Variants in CFAP20DC observed in about 807,000 individuals in gnomAD.
CFAP20DC encodes CFAP20 domain containing.
A neutral mutation model predicts 101.7 loss-of-function variants in CFAP20DC; 84 were observed. The ratio of observed to expected loss-of-function variants is 0.83; its 90% CI spans 0.69 to 0.99. CFAP20DC has a LOEUF of 0.99. Among genes scored for constraint, CFAP20DC ranks in the 50% least tolerant of loss-of-function variants. The probability of loss-of-function intolerance (pLI) is 0.00; values close to 1 mark genes in which losing one functional copy is unlikely to be tolerated. For missense variants in CFAP20DC, 1,007 were observed against 970.3 expected (o/e 1.04, Z -0.50); for synonymous variants, 359 against 351.2 (o/e 1.02, Z -0.25).
chr3:58,814,392 C>G (rs970644953), intron 14 of CFAP20DC, among the ~76,000 whole-genome samples: 1 of 151,666 alleles, frequency 6.6e-6, no homozygotes, highest in African/African-American at 2.4e-5. Flanking sequence ...AAACCCACAG[C>G]CAGTATCATA....
intron 15 of CFAP20DC, among the ~76,000 whole-genome samples, chr3:58,764,880 C>T (rs1281173076): frequency 6.6e-6 from 1 of 152,110 alleles, no homozygotes; most frequent in Non-Finnish European, 1.5e-5. Context: ...ACTGGGCACA[C>T]CTGCACATAT....
intron 7 of CFAP20DC, among the ~76,000 whole-genome samples, chr3:58,878,762 A>G (rs182501078): frequency 6.6e-6 from 1 of 152,324 alleles, no homozygotes; most frequent in East Asian, 1.9e-4. Context: ...CTGTAATCCC[A>G]TCACTTTGGG....
intron 6 of CFAP20DC, among the ~76,000 whole-genome samples, chr3:58,904,065 G>T (rs764694764): frequency 1.3e-5 from 2 of 152,138 alleles, no homozygotes; most frequent in Non-Finnish European, 2.9e-5. Flanking sequence ...TGGAGAAATT[G>T]CATTGAATCT....
At chr3:58,800,054 T>C (rs1011879744) in intron 15 of CFAP20DC, among the ~76,000 whole-genome samples, 12 of 152,142 alleles carry the variant, frequency 7.9e-5, no homozygotes, top group South Asian at 2.1e-4. Flanking sequence ...AGGTGCTCAG[T>C]GGTGTGAAAC....
At position 59,001,903 on chromosome 3, in the gene CFAP20DC, G is replaced by A. The variant is rs1038940391; in HGVS notation, c.278+37654C>T. On this transcript the variant is annotated intron_variant, in intron 4 of 16. Transcript: ENST00000482387. The surrounding 1 kb of genome is among the most constrained non-coding windows in gnomAD (Gnocchi z 4.5). ...GTGGCTTGAGCGGAAGGACAAAAAC[G>A]TGACATGTGGTAAAGAAGAGATTCC... is the stretch of plus-strand genomic sequence containing the variant. Among the ~76,000 whole-genome samples the A allele has an allele frequency of 1.3e-5, 2 of 152,138 alleles. No individual in the cohort carries two copies. Among genetic ancestry groups the A allele is most frequent in the Admixed American group, 6.5e-5 (1 of 15,290 alleles).
chr3:58,779,927 T>C (rs541672824), intron 15 of CFAP20DC, among the ~76,000 whole-genome samples: 1 of 151,860 alleles, frequency 6.6e-6, no homozygotes, highest in Non-Finnish European at 1.5e-5. Flanking sequence ...ATGTCAAAAA[T>C]CAAAAACAAA....
At chr3:58,850,549 T>C (rs866031924) in intron 12 of CFAP20DC, among the ~76,000 whole-genome samples, 2 of 149,058 alleles carry the variant, frequency 1.3e-5, no homozygotes, top group Admixed American at 6.7e-5. Context: ...GATCATGCCA[T>C]TGCACCCCAG....
chr3:58,827,667 GA>G (rs2076134229), intron 14 of CFAP20DC, among the ~76,000 whole-genome samples: 1 of 152,104 alleles, frequency 6.6e-6, no homozygotes, highest in Non-Finnish European at 1.5e-5. Context: ...AAGCATCCCT[GA>G]AACCCACATG....
intron 5 of CFAP20DC, among the ~76,000 whole-genome samples, chr3:58,931,940 T>A (rs528012836): frequency 1.3e-5 from 2 of 152,084 alleles, no homozygotes; most frequent in Non-Finnish European, 2.9e-5. Context: ...CTTTGACGAG[T>A]TGAGGAAGAA....
chr3:58,906,467 T>G (rs2083595113), intron 6 of CFAP20DC, among the ~76,000 whole-genome samples: 1 of 152,182 alleles, frequency 6.6e-6, no homozygotes, highest in Non-Finnish European at 1.5e-5. Flanking sequence ...AATATTGTAT[T>G]ATACCTTCTA....
At chr3:58,805,787 C>T (rs911279522) in intron 15 of CFAP20DC, among the ~76,000 whole-genome samples, 4 of 152,234 alleles carry the variant, frequency 2.6e-5, no homozygotes, top group South Asian at 2.1e-4. Flanking sequence ...AAATTCAGAT[C>T]CACTTGTTCC....
chr3:58,933,364 G>A (rs1020102546), intron 5 of CFAP20DC, among the ~76,000 whole-genome samples: 6 of 150,212 alleles, frequency 4.0e-5, no homozygotes, highest in Admixed American at 6.6e-5. Context: ...ACAGATCAAC[G>A]AGACAGAAAG....
Position 58,937,747 on chromosome 3 carries a change from C to A in CFAP20DC, c.294G>T (p.Gly98=). ...FSTELLITDL[G]NIKRRLYLST... ...ATAAATATAATCTTCTTTTGATGTT[C>A]CCTAAATCAGTAATTCTGAAAACAT... Residue 98 remains glycine, a synonymous_variant, in exon 5 of 17, where the codon GGG becomes GGT. Coordinates refer to ENST00000482387, the MANE Select transcript of CFAP20DC (RefSeq NM_001394063.1). 1 of 1,591,256 alleles carries A rather than the reference C, an allele frequency of 6.3e-7. No homozygotes were observed. Among genetic ancestry groups the A allele is most frequent in the Non-Finnish European group, 8.6e-7 (1 of 1,160,014 alleles).
At chr3:58,853,412 A>G (rs1364339683) in intron 12 of CFAP20DC, among the ~76,000 whole-genome samples, 6 of 152,122 alleles carry the variant, frequency 3.9e-5, no homozygotes, top group Non-Finnish European at 5.9e-5. Flanking sequence ...GGTACAAGGA[A>G]GAACTGGTAC....
At chr3:59,033,206 A>G (rs1438166341) in intron 4 of CFAP20DC, among the ~76,000 whole-genome samples, 2 of 152,214 alleles carry the variant, frequency 1.3e-5, no homozygotes, top group Non-Finnish European at 2.9e-5. Flanking sequence ...CACCAACATC[A>G]AAGACCAAAG....
At chr3:59,030,575 T>C (rs1381103294) in intron 4 of CFAP20DC, among the ~76,000 whole-genome samples, 2 of 152,192 alleles carry the variant, frequency 1.3e-5, no homozygotes, top group Non-Finnish European at 2.9e-5. Flanking sequence ...CAAATGTTTG[T>C]CCATGTAGAT....
chr3:58,736,894 C>A (rs933365694), intron 3 of CFAP20DC, among the ~76,000 whole-genome samples: 3 of 152,118 alleles, frequency 2.0e-5, no homozygotes, highest in Admixed American at 6.5e-5. Flanking sequence ...GTTTATTGGT[C>A]ATTTAATTCT....
intron 4 of CFAP20DC, chr3:59,017,368 G>C (rs1414304208): frequency 6.6e-6 from 1 of 152,072 alleles, no homozygotes; most frequent in African/African-American, 2.4e-5. Flanking sequence ...TGCGATTGAA[G>C]CTCCCGCTGT....
chr3:58,971,106 T>C lies in CFAP20DC; in HGVS notation c.279-33344A>G, dbSNP rs1459219079. ...AGATATCAAGCACTGTAACCTTTTG[T>C]TAATACACAGATGTAGGACATTGCT... On this transcript the variant is annotated intron_variant, in intron 4 of 16. Coordinates refer to ENST00000482387, the MANE Select transcript of CFAP20DC (RefSeq NM_001394063.1). This position sits in a 1 kb window ranked among gnomAD's most constrained non-coding sequence, Gnocchi z 4.1. Among the ~76,000 whole-genome samples the C allele has an allele frequency of 1.3e-5, 2 of 152,202 alleles. No individual in the cohort carries two copies. The highest frequency in any genetic ancestry group is 1.5e-5 in the Non-Finnish European group (1 of 68,028).
Sources: allele counts gnomAD v4.1 joint callset (sites outside exome capture counted in the v4.1 genomes callset), GRCh38; gene constraint gnomAD v4.1.1; non-coding constraint Gnocchi (gnomAD v3.1); transcripts MANE v1.5; gene names NCBI Gene and HGNC (gene_info 2026-07-23, HGNC 2026-07-21).